RAPGEF2: variants seen among roughly 807,000 people sequenced by gnomAD.
RAPGEF2 encodes Rap guanine nucleotide exchange factor 2.
A neutral mutation model predicts 186.7 loss-of-function variants in RAPGEF2; 54 were observed. The ratio of observed to expected loss-of-function variants is 0.29; its 90% CI spans 0.23 to 0.36. The LOEUF (loss-of-function observed/expected upper bound fraction) is 0.36, where lower values mean the gene tolerates loss of function less well. RAPGEF2 is among the 10% of genes least tolerant of loss of function. The probability of loss-of-function intolerance (pLI) is 1.00; values close to 1 mark genes in which losing one functional copy is unlikely to be tolerated. For synonymous variants in RAPGEF2, 712 were observed against 705.9 expected, an observed-to-expected ratio of 1.01 and a Z score of -0.14; for missense variants, 1,532 against 2,045.0, an observed-to-expected ratio of 0.75 and a Z score of 4.84.
chr4:159,197,119 A>G (rs939212813), intron 3 of RAPGEF2, among the ~76,000 whole-genome samples: 3 of 152,196 alleles, frequency 2.0e-5, no homozygotes, highest in Admixed American at 6.5e-5. Flanking sequence ...CTTAACTTAT[A>G]TTTGTTTTTA....
chr4:159,215,421 T>C (rs1411412686), intron 4 of RAPGEF2, among the ~76,000 whole-genome samples: 2 of 152,092 alleles, frequency 1.3e-5, no homozygotes, highest in African/African-American at 4.8e-5. Context: ...CAAGTGATCC[T>C]CCCACCTTGA....
chr4:159,334,490 C>T (rs1767126036), intron 17 of RAPGEF2, among the ~76,000 whole-genome samples: 2 of 152,100 alleles, frequency 1.3e-5, no homozygotes, highest in African/African-American at 4.8e-5. Flanking sequence ...CTCAAATGAT[C>T]CACCCACCTG....
At chr4:159,266,181 A>G (rs1757402015) in intron 7 of RAPGEF2, among the ~76,000 whole-genome samples, 1 of 152,020 alleles carries the variant, frequency 6.6e-6, no homozygotes, top group Non-Finnish European at 1.5e-5. Flanking sequence ...GGGTAATGTA[A>G]GAAAAGGGGT....
chr4:159,137,345 C>T (rs1741826780), intron 1 of RAPGEF2, among the ~76,000 whole-genome samples: 2 of 152,156 alleles, frequency 1.3e-5, no homozygotes. Context: ...CTTTCCTCAG[C>T]TCATAGGAGG....
At chr4:159,258,172 A>G (rs1756404033) in intron 7 of RAPGEF2, among the ~76,000 whole-genome samples, 1 of 152,212 alleles carries the variant, frequency 6.6e-6, no homozygotes, top group African/African-American at 2.4e-5. Context: ...TGACAATTTC[A>G]AAGTGTAACT....
In RAPGEF2 at chr4:159,353,410, G is replaced by T; in HGVS notation, c.4092-77G>T. On this transcript the variant is annotated intron_variant, in intron 27 of 29. Coordinates refer to ENST00000691494, the MANE Select transcript of RAPGEF2 (RefSeq NM_001394067.2). This position sits in a 1 kb window ranked among gnomAD's most constrained non-coding sequence, Gnocchi z 4.3. ...GCAAGCTACCTTTCTAGGAAAAAGG[G>T]TATTTTGGTTTTATCATAGGTGAAT... 2.6e-6 allele frequency: 3 copies of T among 1,170,132 alleles called. No homozygotes were observed. Among genetic ancestry groups the T allele is most frequent in the Admixed American group, 6.1e-5 (2 of 32,924 alleles). The allele number at this position is 1,170,132 out of a possible 1,614,324, so 72.5% of individuals were successfully genotyped here.
chr4:159,131,296 GAC>G (rs1741041431), intron 1 of RAPGEF2, among the ~76,000 whole-genome samples: 1 of 151,996 alleles, frequency 6.6e-6, no homozygotes, highest in African/African-American at 2.4e-5. Context: ...TTTTAGTAGA[GAC>G]AGGGTTTCTC....
At chr4:159,240,426 T>C (rs926923735) in intron 5 of RAPGEF2, among the ~76,000 whole-genome samples, 16 of 133,140 alleles carry the variant, frequency 1.2e-4, no homozygotes, top group African/African-American at 4.5e-4. Context: ...CTCCACCTCC[T>C]GGGTTCAAGC....
chr4:159,123,609 G>C (rs1478721291), intron 1 of RAPGEF2, among the ~76,000 whole-genome samples: 1 of 144,232 alleles, frequency 6.9e-6, no homozygotes, highest in Non-Finnish European at 1.5e-5. Flanking sequence ...CTCGATCTCA[G>C]CTGGGTTCAC....
At chr4:159,287,899 C>T (rs1760716289) in intron 7 of RAPGEF2, among the ~76,000 whole-genome samples, 1 of 152,150 alleles carries the variant, frequency 6.6e-6, no homozygotes, top group Non-Finnish European at 1.5e-5. Context: ...AATCCTCAAG[C>T]TCTTCCAGGT....
chr4:159,235,027 T>C (rs1314353764), intron 4 of RAPGEF2, among the ~76,000 whole-genome samples: 1 of 152,204 alleles, frequency 6.6e-6, no homozygotes, highest in East Asian at 1.9e-4. Flanking sequence ...TCCAAAGTGC[T>C]GGAATTACAG....
chr4:159,356,185 C>T (rs1443928245), intron 29 of RAPGEF2, 27 bp downstream of exon 29: 1 of 1,593,584 alleles, frequency 6.3e-7, no homozygotes, highest in Non-Finnish European at 8.6e-7. Context: ...ATTCCTAAAA[C>T]CTCCAAGTTA....
At chr4:159,263,916 T>C (rs1254138477) in intron 7 of RAPGEF2, among the ~76,000 whole-genome samples, 1 of 152,186 alleles carries the variant, frequency 6.6e-6, no homozygotes, top group African/African-American at 2.4e-5. Flanking sequence ...TTTTGGAGTG[T>C]TGTTACTGAT....
At chr4:159,153,646 C>T (rs975443514) in intron 1 of RAPGEF2, among the ~76,000 whole-genome samples, 6 of 152,132 alleles carry the variant, frequency 3.9e-5, no homozygotes, top group African/African-American at 7.2e-5. Context: ...AGGTCTAATA[C>T]AGGAGTGATT....
At chr4:159,148,598 A>G (rs963701263) in intron 1 of RAPGEF2, among the ~76,000 whole-genome samples, 2 of 151,494 alleles carry the variant, frequency 1.3e-5, no homozygotes, top group Non-Finnish European at 1.5e-5. Context: ...TTGAATGCCA[A>G]CTCTTCTATT....
intron 4 of RAPGEF2, among the ~76,000 whole-genome samples, chr4:159,211,046 TG>T (rs1579474194): frequency 6.6e-6 from 1 of 152,252 alleles, no homozygotes; most frequent in African/African-American, 2.4e-5. Context: ...CTTTCATTTT[TG>T]CATTTGTCTG....
chr4:159,353,248 T>TG lies in RAPGEF2; in HGVS notation c.4092-239_4092-238insG, dbSNP rs1272527694. Among the ~76,000 whole-genome samples, 2 of 151,594 alleles carry TG rather than the reference T, an allele frequency of 1.3e-5. No homozygotes were observed. Among genetic ancestry groups the TG allele is most frequent in the Non-Finnish European group, 2.9e-5 (2 of 67,922 alleles). On this transcript the variant is annotated intron_variant, in intron 27 of 29. Coordinates refer to ENST00000691494, the MANE Select transcript of RAPGEF2 (RefSeq NM_001394067.2). This position sits in a 1 kb window ranked among gnomAD's most constrained non-coding sequence, Gnocchi z 4.3. ...ACCCTTAATGTTGTCGGGGAATTTT[T>TG]TTTTTTTTAATGGCACGTTGCGTTC...
At position 159,302,792 on chromosome 4, in the gene RAPGEF2, A is replaced by AT. The variant is rs981316555; in HGVS notation, c.544-1542dup. On this transcript the variant is annotated intron_variant, in intron 7 of 29. Coordinates refer to ENST00000691494, the MANE Select transcript of RAPGEF2 (RefSeq NM_001394067.2). ...TTATTTTTTTTACTTTTTATTTTTT[A>AT]TTTTTTTTATTATTATACTGTAAGT... Among the ~76,000 whole-genome samples the AT allele has an allele frequency of 2.2e-4, 33 of 150,860 alleles. No individual in the cohort carries two copies. In the East Asian group the frequency reaches 3.5e-3, roughly 16 times the overall value.
At chr4:159,352,663 T>TA (rs1257049423) in intron 26 of RAPGEF2, 22 bp from the exon 27 acceptor site, 2 of 1,567,478 alleles carry the variant, frequency 1.3e-6, no homozygotes, top group African/African-American at 1.4e-5. Flanking sequence ...GTCTAATTAA[T>TA]ACGGTTGTAT....
Sources: allele counts gnomAD v4.1 joint callset (sites outside exome capture counted in the v4.1 genomes callset), GRCh38; gene constraint gnomAD v4.1.1; non-coding constraint Gnocchi (gnomAD v3.1); transcripts MANE v1.5; gene names NCBI Gene and HGNC (gene_info 2026-07-23, HGNC 2026-07-21).